INSYN2A: variants seen among roughly 807,000 people sequenced by gnomAD.
INSYN2A encodes the protein family with sequence similarity 196 member A.
Under a neutral mutation model 39.4 loss-of-function variants are expected in INSYN2A, and 17 were observed. The observed-to-expected ratio is 0.43, with a 90% CI of 0.30 to 0.65. The LOEUF (loss-of-function observed/expected upper bound fraction) is 0.65. INSYN2A is among the 30% of genes least tolerant of loss of function. The pLI is 0.14. For synonymous variants in INSYN2A, 255 were observed against 265.7 expected (o/e 0.96, Z 0.39); for missense variants, 595 against 631.2 (o/e 0.94, Z 0.61).
chr10:127,176,444 A>G lies in INSYN2A; in HGVS notation c.-5-44T>C. On this transcript the variant is annotated intron_variant, in intron 3 of 5. Transcript: ENST00000522781. This position sits in a 1 kb window ranked among gnomAD's most constrained non-coding sequence, Gnocchi z 4.4. Reference sequence around the variant, plus strand: ...ACAGAGGTGTCAGTGGGACAGAAATACACACTCAAGCACCGGCCGCACAAA... The same window carrying G: ...ACAGAGGTGTCAGTGGGACAGAAATGCACACTCAAGCACCGGCCGCACAAA... The G allele has an allele frequency of 3.4e-6, 5 of 1,485,610 alleles. No homozygotes were observed. The highest frequency in any genetic ancestry group is 4.5e-6 in the Non-Finnish European group (5 of 1,101,908). The allele number at this position is 1,485,610 out of a possible 1,614,324, so 92.0% of individuals were successfully genotyped here.
chr10:127,161,606 C>T (rs1047769008), intron 4 of INSYN2A, among the ~76,000 whole-genome samples: 22 of 152,172 alleles, frequency 1.4e-4, no homozygotes, highest in Admixed American at 6.5e-4. Context: ...TTTGGGATGT[C>T]GAACAGGGGT....
intron 4 of INSYN2A, among the ~76,000 whole-genome samples, chr10:127,173,309 C>T (rs2054755648): frequency 6.6e-6 from 1 of 152,148 alleles, no homozygotes. Context: ...ACATACAGCC[C>T]TTGCCCAAGC....
At chr10:127,148,433 T>A (rs1313495529) in intron 5 of INSYN2A, among the ~76,000 whole-genome samples, 1 of 152,234 alleles carries the variant, frequency 6.6e-6, no homozygotes, top group Admixed American at 6.5e-5. Context: ...TAAATCTTGC[T>A]TTCATCTCCA....
intron 4 of INSYN2A, among the ~76,000 whole-genome samples, chr10:127,170,884 C>A (rs1227855726): frequency 6.6e-6 from 1 of 152,146 alleles, no homozygotes. Context: ...TCATGCAAGC[C>A]CGCACTGCAT....
At chr10:127,160,016 C>T (rs547306373) in intron 4 of INSYN2A, among the ~76,000 whole-genome samples, 188 of 152,216 alleles carry the variant, frequency 1.2e-3, no homozygotes, top group African/African-American at 4.2e-3. Flanking sequence ...TTCTTCCCGG[C>T]CACATATCCA....
At chr10:127,173,732 T>C (rs2054799356) in intron 4 of INSYN2A, among the ~76,000 whole-genome samples, 1 of 152,214 alleles carries the variant, frequency 6.6e-6, no homozygotes, top group Admixed American at 6.5e-5. Context: ...AGTAAATCAC[T>C]GGTCTCCCCC....
At chr10:127,194,133 T>A (rs1434148891) in intron 1 of INSYN2A, among the ~76,000 whole-genome samples, 2 of 152,214 alleles carry the variant, frequency 1.3e-5, no homozygotes, top group African/African-American at 4.8e-5. Context: ...ACTGAATTGT[T>A]TAGTCTTTTA....
At chr10:127,153,420 TC>T (rs929808392) in intron 5 of INSYN2A, among the ~76,000 whole-genome samples, 7 of 152,170 alleles carry the variant, frequency 4.6e-5, no homozygotes, top group Non-Finnish European at 1.0e-4. Context: ...CCTCGAGAGT[TC>T]CCAGGAAATG....
intron 4 of INSYN2A, among the ~76,000 whole-genome samples, chr10:127,155,332 C>T (rs1046709732): frequency 1.3e-5 from 2 of 152,222 alleles, no homozygotes; most frequent in East Asian, 3.9e-4. Context: ...AAAACTCAGA[C>T]GTGACCTCAT....
chr10:127,177,229 G>C (rs180833237), intron 2 of INSYN2A, 90 bp from the exon 3 acceptor site: 66 of 152,228 alleles, frequency 4.3e-4, no homozygotes, highest in African/African-American at 1.5e-3. Flanking sequence ...AATGGTGGTG[G>C]TTTCAGTACT....
intron 2 of INSYN2A, among the ~76,000 whole-genome samples, chr10:127,183,928 A>G (rs942252758): frequency 6.6e-6 from 1 of 152,092 alleles, no homozygotes. Flanking sequence ...GTGCATGATA[A>G]TAAGTAGCTA....
At chr10:127,183,096 T>A (rs976584940) in intron 2 of INSYN2A, among the ~76,000 whole-genome samples, 11 of 88,720 alleles carry the variant, frequency 1.2e-4, no homozygotes, top group Admixed American at 2.7e-4. Flanking sequence ...TTTTTTTTTT[T>A]AACTAAACAG....
rs973403565 is a variant in INSYN2A at position 127,175,545 on chromosome 10, G to C, written c.851C>G (p.Ala284Gly). 1.9e-6 allele frequency: 3 copies of C among 1,611,110 alleles called. No homozygotes were observed. Among genetic ancestry groups the C allele is most frequent in the African/African-American group, 2.7e-5 (2 of 75,042 alleles). ...TGTGGCTCTCCTCCGCTCGTCATCT[G>C]CCGGGCAGAGTGACCACTGGCTGGC... ...AAASQWSLCP[A>G]DDERRRATHL... is the part of the protein sequence containing the mutation. The change falls in exon 4 of 6, where the codon GCA (alanine) becomes GGA (glycine). Residue 284 changes from alanine (A) to glycine (G), a missense_variant. Physicochemically the swap from Ala to Gly is moderately conservative, Grantham distance 60 (BLOSUM62 0). Around this residue, in one of 2 missense-constraint regions of INSYN2A, gnomAD observed 478 missense variants for 467.4 expected, o/e 1.02. Transcript: ENST00000522781. The surrounding 1 kb of genome is among the most constrained non-coding windows in gnomAD (Gnocchi z 6.3).
intron 1 of INSYN2A, among the ~76,000 whole-genome samples, chr10:127,195,594 C>T (rs1472484731): frequency 2.6e-5 from 4 of 152,004 alleles, no homozygotes; most frequent in African/African-American, 9.7e-5. Context: ...ACTTAAAAGC[C>T]TCGAAACCTT....
chr10:127,181,965 TC>T (rs2055777495), intron 2 of INSYN2A, among the ~76,000 whole-genome samples: 1 of 152,190 alleles, frequency 6.6e-6, no homozygotes, highest in Non-Finnish European at 1.5e-5. Flanking sequence ...TGTTATTTTT[TC>T]CCTACATTTG....
chr10:127,140,450 C>A (rs2051120645), intron 5 of INSYN2A, among the ~76,000 whole-genome samples: 1 of 152,212 alleles, frequency 6.6e-6, no homozygotes, highest in African/African-American at 2.4e-5. Flanking sequence ...GGTCCGCCCC[C>A]CAGCCCATCT....
intron 2 of INSYN2A, among the ~76,000 whole-genome samples, chr10:127,184,248 G>C (rs1308713627): frequency 6.6e-6 from 1 of 152,160 alleles, no homozygotes; most frequent in Non-Finnish European, 1.5e-5. Context: ...CAACTTAGTA[G>C]ATTCTGTCAG....
chr10:127,181,488 C>G (rs71474208), intron 2 of INSYN2A, among the ~76,000 whole-genome samples: 1 of 152,160 alleles, frequency 6.6e-6, no homozygotes, highest in African/African-American at 2.4e-5. Context: ...CGAGACACCT[C>G]CCAGGGCCCA....
rs546652710 is a variant in INSYN2A, at chr10:127,193,793, C to T, written c.-394-1063G>A. Among the ~76,000 whole-genome samples, 9 of 151,892 alleles carry T rather than the reference C, an allele frequency of 5.9e-5. No homozygotes were observed. In the East Asian group the frequency reaches 1.2e-3, roughly 20 times the overall value. ...GGGAGAAACAAAACACAAAAATTCC[C>T]TTTCCTGCCACAGGGGAAAACAACT... is the stretch of plus-strand genomic sequence containing the variant. On this transcript the variant is annotated intron_variant, in intron 1 of 5. Coordinates refer to ENST00000522781, the MANE Select transcript of INSYN2A (RefSeq NM_001039762.3).
Sources: gnomAD v4.1 joint callset for allele counts (sites outside exome capture counted in the v4.1 genomes callset) on GRCh38, gnomAD v4.1.1 for gene constraint, gnomAD v4.1.1 regional missense constraint, Gnocchi (gnomAD v3.1) non-coding constraint, MANE v1.5 for transcripts, NCBI Gene and HGNC (gene_info 2026-07-23, HGNC 2026-07-21) for gene names.